Variants in TANGO6 observed in about 807,000 individuals in gnomAD.
The protein encoded by TANGO6 is transport and golgi organization 6 homolog, also known as transport and Golgi organization protein 6 homolog.
TANGO6 carries 90 observed loss-of-function variants against 114.2 expected under a neutral mutation model. The observed-to-expected ratio is 0.79, with a 90% CI of 0.66 to 0.94. The LOEUF (loss-of-function observed/expected upper bound fraction) is 0.94. Ranked by LOEUF, TANGO6 falls within the 40% of genes least tolerant of loss-of-function variation. TANGO6 has a pLI of 0.00. For missense variants in TANGO6, 1,274 were observed against 1,315.3 expected (o/e 0.97, Z 0.49); for synonymous variants, 477 against 509.8 (o/e 0.94, Z 0.87).
intron 11 of TANGO6, among the ~76,000 whole-genome samples, chr16:68,914,319 G>A (rs1429790720): frequency 2.0e-5 from 3 of 152,086 alleles, no homozygotes; most frequent in Admixed American, 6.6e-5. Flanking sequence ...CTGCAACCAT[G>A]CCCGGCTAAT....
chr16:69,031,572 C>T (rs892977732), intron 16 of TANGO6, among the ~76,000 whole-genome samples: 3 of 151,852 alleles, frequency 2.0e-5, no homozygotes, highest in African/African-American at 7.3e-5. Context: ...TGTGGTGGCA[C>T]ACGCTACTCG....
intron 16 of TANGO6, among the ~76,000 whole-genome samples, chr16:69,023,470 C>T (rs138300938): frequency 2.8e-4 from 43 of 152,006 alleles, no homozygotes; most frequent in Non-Finnish European, 5.6e-4. Flanking sequence ...AAAACAAAAA[C>T]AAAAAATTAT....
intron 14 of TANGO6, among the ~76,000 whole-genome samples, chr16:68,964,893 T>G (rs1446351205): frequency 6.6e-6 from 1 of 152,138 alleles, no homozygotes; most frequent in Non-Finnish European, 1.5e-5. Context: ...AATGGATGCC[T>G]TATATTCCAC....
intron 16 of TANGO6, among the ~76,000 whole-genome samples, chr16:69,027,107 G>A (rs173685): frequency 0.35 from 53,787 of 151,982 alleles, 10,717 homozygotes; most frequent in East Asian, 0.54. Context: ...AGTGATCTGC[G>A]TGCCTCGGCC....
At chr16:68,865,705 C>G (rs1962165924) in intron 3 of TANGO6, among the ~76,000 whole-genome samples, 1 of 149,220 alleles carries the variant, frequency 6.7e-6, no homozygotes, top group South Asian at 2.1e-4. Context: ...GTCAGGAGAT[C>G]GAGACCATCC....
chr16:68,961,899 T>G (rs1963595754), intron 14 of TANGO6, among the ~76,000 whole-genome samples: 2 of 152,174 alleles, frequency 1.3e-5, no homozygotes, highest in Non-Finnish European at 2.9e-5. Flanking sequence ...AATAAAGAAT[T>G]CTGAAGAGAA....
rs145756519 is a variant in TANGO6 at position 68,927,644 on chromosome 16, C to T, written c.2204C>T (p.Pro735Leu). 2.8e-5 allele frequency: 45 copies of T among 1,613,996 alleles called. No homozygotes were observed. The highest frequency in any genetic ancestry group is 1.7e-4 in the African/African-American group (13 of 75,034). ...LEKVSNTYPD[P>L]VIQELAVDLR... Reference sequence around the variant, plus strand: ...AAGGTATCCAACACATACCCTGATCCGGTCATCCAAGAACTCGCTGTTGAT... The same window carrying T: ...AAGGTATCCAACACATACCCTGATCTGGTCATCCAAGAACTCGCTGTTGAT... Residue 735 changes from proline (P) to leucine (L), a missense_variant, in exon 13 of 18, where the codon CCG (proline) becomes CTG (leucine). Transcript: ENST00000261778.
intron 4 of TANGO6, among the ~76,000 whole-genome samples, chr16:68,873,627 A>G (rs1314515966): frequency 6.6e-6 from 1 of 152,144 alleles, no homozygotes; most frequent in Non-Finnish European, 1.5e-5. Flanking sequence ...GTTTAGTCAT[A>G]TTATAATATG....
intron 14 of TANGO6, among the ~76,000 whole-genome samples, chr16:68,945,603 T>G (rs913405613): frequency 3.3e-5 from 5 of 152,212 alleles, no homozygotes; most frequent in Admixed American, 2.0e-4. Flanking sequence ...TGCACTTCAC[T>G]CATGACTAGT....
chr16:69,056,940 A>G (rs1472645141), intron 17 of TANGO6, among the ~76,000 whole-genome samples: 1 of 149,880 alleles, frequency 6.7e-6, no homozygotes, highest in Non-Finnish European at 1.5e-5. Context: ...CAGGCCTCCC[A>G]AAGTGCTGGG....
chr16:68,997,295 T>C (rs1206391111), intron 15 of TANGO6, among the ~76,000 whole-genome samples: 1 of 152,208 alleles, frequency 6.6e-6, no homozygotes, highest in Non-Finnish European at 1.5e-5. Flanking sequence ...GGATGGCTAC[T>C]CCATAGGCAG....
At chr16:68,983,502 C>G (rs980969893) in intron 15 of TANGO6, among the ~76,000 whole-genome samples, 3 of 152,136 alleles carry the variant, frequency 2.0e-5, no homozygotes, top group Admixed American at 6.5e-5. Context: ...AAGCAATGGT[C>G]TCTTCCTGCA....
chr16:68,870,077 TG>T (rs1362435049), intron 4 of TANGO6, among the ~76,000 whole-genome samples: 1 of 152,156 alleles, frequency 6.6e-6, no homozygotes, highest in African/African-American at 2.4e-5. Flanking sequence ...AATATCTATC[TG>T]GAGGTATTGT....
chr16:69,043,283 AGTGT>A (rs57443398), intron 17 of TANGO6, among the ~76,000 whole-genome samples: 37,008 of 146,530 alleles, frequency 0.25, 4,684 homozygotes, highest in African/African-American at 0.29. Flanking sequence ...AGACAGAGCG[AGTGT>A]GTGTGTGTGT....
chr16:68,952,375 G>C (rs1226519617), intron 14 of TANGO6, among the ~76,000 whole-genome samples: 7 of 152,062 alleles, frequency 4.6e-5, no homozygotes, highest in Non-Finnish European at 1.0e-4. Context: ...TCAGCTAGAG[G>C]TGCACCCTGC....
intron 7 of TANGO6, among the ~76,000 whole-genome samples, chr16:68,890,928 G>C (rs1272747311): frequency 6.6e-6 from 1 of 152,080 alleles, no homozygotes; most frequent in African/African-American, 2.4e-5. Flanking sequence ...AGGAGGCTGA[G>C]GCAGGAGAAT....
intron 16 of TANGO6, among the ~76,000 whole-genome samples, chr16:69,032,905 G>A (rs1959622151): frequency 6.7e-6 from 1 of 149,480 alleles, no homozygotes; most frequent in Non-Finnish European, 1.5e-5. Context: ...AGTTACTGTT[G>A]GCAGGCGTGG....
At chr16:68,886,842 C>G (rs1243938277) in intron 7 of TANGO6, among the ~76,000 whole-genome samples, 2 of 148,630 alleles carry the variant, frequency 1.3e-5, no homozygotes, top group Admixed American at 6.8e-5. Context: ...GAGTCTCACT[C>G]TGTCACGCAG....
intron 14 of TANGO6, among the ~76,000 whole-genome samples, chr16:68,954,108 G>A (rs930272568): frequency 6.6e-6 from 1 of 151,958 alleles, no homozygotes; most frequent in African/African-American, 2.4e-5. Context: ...AAGTTAGCTG[G>A]GTGTGGTGGT....
Sources: allele counts gnomAD v4.1 joint callset (sites outside exome capture counted in the v4.1 genomes callset), GRCh38; gene constraint gnomAD v4.1.1; transcripts MANE v1.5; gene names NCBI Gene and HGNC (gene_info 2026-07-23, HGNC 2026-07-21).